Variants in RAB20 observed in about 807,000 individuals in gnomAD.
The protein encoded by RAB20 is ras-related protein Rab-20.
In RAB20, 2 loss-of-function variants were observed where a neutral mutation model predicts 3.7. The observed-to-expected ratio is 0.54, with a 90% CI of 0.22 to 1.69. The LOEUF (loss-of-function observed/expected upper bound fraction) is 1.69, where lower values mean the gene tolerates loss of function less well. RAB20 is among the 40% of genes most tolerant of loss of function. RAB20 has a pLI of 0.19. For missense variants in RAB20, 276 were observed against 311.9 expected, an observed-to-expected ratio of 0.88 and a Z score of 0.87; for synonymous variants, 126 against 130.8, an observed-to-expected ratio of 0.96 and a Z score of 0.25.
At chr13:110,526,168 A>C (rs1035377116) in intron 1 of RAB20, among the ~76,000 whole-genome samples, 6 of 140,416 alleles carry the variant, frequency 4.3e-5, no homozygotes, top group Non-Finnish European at 9.3e-5. Flanking sequence ...CCCTTAGGCC[A>C]AGAGGAGGGA....
intron 1 of RAB20, among the ~76,000 whole-genome samples, chr13:110,547,103 G>A (rs1011080739): frequency 6.6e-6 from 1 of 152,180 alleles, no homozygotes; most frequent in Non-Finnish European, 1.5e-5. Flanking sequence ...TCATATGTCA[G>A]AAGCCTGGAA....
chr13:110,550,998 A>G (rs1409313489), intron 1 of RAB20, among the ~76,000 whole-genome samples: 1 of 152,234 alleles, frequency 6.6e-6, no homozygotes, highest in Non-Finnish European at 1.5e-5. Flanking sequence ...TGATATTTCC[A>G]CACTAATTTT....
intron 1 of RAB20, among the ~76,000 whole-genome samples, chr13:110,543,757 T>C (rs1884805053): frequency 1.3e-5 from 2 of 150,670 alleles, no homozygotes; most frequent in Non-Finnish European, 2.9e-5. Context: ...GCTTGACTCT[T>C]TAATCAAATG....
chr13:110,548,275 T>G (rs1342697509), intron 1 of RAB20, among the ~76,000 whole-genome samples: 1 of 152,088 alleles, frequency 6.6e-6, no homozygotes, highest in African/African-American at 2.4e-5. Flanking sequence ...CTTGAGGTCA[T>G]GAGTTCGAGA....
chr13:110,556,805 T>A (rs1426629997), intron 1 of RAB20, among the ~76,000 whole-genome samples: 1 of 152,252 alleles, frequency 6.6e-6, no homozygotes. Flanking sequence ...ATGCTGGGAT[T>A]ACAGGCAGGA....
intron 1 of RAB20, among the ~76,000 whole-genome samples, chr13:110,532,199 G>A (rs77071560): frequency 0.015 from 2,348 of 152,170 alleles, 32 homozygotes; most frequent in Middle Eastern, 0.037. Context: ...CTTTAAAAGC[G>A]CCCCAGGTGA....
chr13:110,527,652 G>T (rs1396371842), intron 1 of RAB20, among the ~76,000 whole-genome samples: 1 of 152,158 alleles, frequency 6.6e-6, no homozygotes, highest in East Asian at 1.9e-4. Flanking sequence ...CCTACCAGGG[G>T]TCAGCTTCAG....
rs67409356 is a variant in RAB20 at position 110,538,597 on chromosome 13, C to CAA, written c.173-14402_173-14401dup. Among the ~76,000 whole-genome samples the CAA allele has an allele frequency of 9.3e-3, 654 of 70,458 alleles. 17 individuals carry two copies. The highest frequency in any genetic ancestry group is 0.031 in the Middle Eastern group (4 of 130). 46.2% of individuals were successfully genotyped at this position (70,458 alleles called of 152,430 possible). ...CTCCAGCCTGGGTGAGATCTTCTCTCAAAAAAAAAAAAAAAAAAAAAGAAA... is the reference window on the plus strand; with the variant it reads ...CTCCAGCCTGGGTGAGATCTTCTCTCAAAAAAAAAAAAAAAAAAAAAAAGAAA... On this transcript the variant is annotated intron_variant, in intron 1 of 1. Coordinates refer to ENST00000267328, the MANE Select transcript of RAB20 (RefSeq NM_017817.3).
At chr13:110,559,354 G>C (rs1165929320) in intron 1 of RAB20, among the ~76,000 whole-genome samples, 1 of 152,194 alleles carries the variant, frequency 6.6e-6, no homozygotes, top group African/African-American at 2.4e-5. Flanking sequence ...GGGGTGGAGA[G>C]AAAGTTTAGG....
chr13:110,526,896 T>C (rs80281712), intron 1 of RAB20, among the ~76,000 whole-genome samples: 2,129 of 152,262 alleles, frequency 0.014, 58 homozygotes, highest in African/African-American at 0.048. Flanking sequence ...TAAGGACAGC[T>C]GGTTACCTTT....
At chr13:110,554,841 A>G (rs1286651291) in intron 1 of RAB20, among the ~76,000 whole-genome samples, 1 of 152,100 alleles carries the variant, frequency 6.6e-6, no homozygotes, top group Non-Finnish European at 1.5e-5. Flanking sequence ...ACCCATCACG[A>G]GCCTTTCCTT....
intron 1 of RAB20, among the ~76,000 whole-genome samples, chr13:110,537,649 G>A (rs776391508): frequency 7.3e-5 from 11 of 151,702 alleles, no homozygotes; most frequent in Non-Finnish European, 1.3e-4. Flanking sequence ...AGGGCCAGGC[G>A]CTGACTTGGG....
rs114937355 is a variant in RAB20 at position 110,525,970 on chromosome 13, C to T, written c.173-1773G>A. Among the ~76,000 whole-genome samples the T allele has an allele frequency of 2.0e-3, 312 of 152,348 alleles. 3 individuals are homozygous for T. Among genetic ancestry groups the T allele is most frequent in the African/African-American group, 7.3e-3 (303 of 41,586 alleles). ...CAAGCAAACCCCAAGTGAGATCTTC[C>T]AACCACAAAGCACCTGCTCCCAACC... On this transcript the variant is annotated intron_variant, in intron 1 of 1. Coordinates refer to ENST00000267328, the MANE Select transcript of RAB20 (RefSeq NM_017817.3).
chr13:110,534,154 T>A (rs1317050613), intron 1 of RAB20, among the ~76,000 whole-genome samples: 2 of 152,222 alleles, frequency 1.3e-5, no homozygotes, highest in Non-Finnish European at 2.9e-5. Flanking sequence ...TGCTCTGTGA[T>A]GTGGTAGGCC....
chr13:110,556,785 G>A (rs1885045764), intron 1 of RAB20, among the ~76,000 whole-genome samples: 2 of 152,188 alleles, frequency 1.3e-5, no homozygotes, highest in African/African-American at 4.8e-5. Flanking sequence ...TTTCACTTCA[G>A]CCTCCTAAAA....
chr13:110,532,313 T>C (rs1473137482), intron 1 of RAB20, among the ~76,000 whole-genome samples: 1 of 152,218 alleles, frequency 6.6e-6, no homozygotes, highest in African/African-American at 2.4e-5. Context: ...GGTATTTCAA[T>C]TCATTGAAAA....
chr13:110,527,268 G>A (rs1157630297), intron 1 of RAB20, among the ~76,000 whole-genome samples: 1 of 150,872 alleles, frequency 6.6e-6, no homozygotes, highest in East Asian at 2.0e-4. Context: ...ACCCTGGAGA[G>A]AGGCGCCCAC....
chr13:110,549,625 G>A (rs1387571584), intron 1 of RAB20, among the ~76,000 whole-genome samples: 1 of 152,226 alleles, frequency 6.6e-6, no homozygotes, highest in East Asian at 1.9e-4. Context: ...CCATACCCTA[G>A]AGGAAGGAAT....
chr13:110,523,394 G>T lies in RAB20; in HGVS notation c.*271C>A. ...CTGCAAAGGACCAGTGCCAGGCAGC[G>T]GGGCAGAGAGCACCAGGGGTCTCGA... On this transcript the variant is annotated 3_prime_UTR_variant, in exon 2 of 2. Coordinates refer to ENST00000267328, the MANE Select transcript of RAB20 (RefSeq NM_017817.3). The T allele has an allele frequency of 1.6e-6, 1 of 627,324 alleles. No homozygotes were observed. Among genetic ancestry groups the T allele is most frequent in the Non-Finnish European group, 2.6e-6 (1 of 382,824 alleles). The allele number at this position is 627,324 out of a possible 1,614,324, so 38.9% of individuals were successfully genotyped here.
Sources: gnomAD v4.1 joint callset for allele counts (sites outside exome capture counted in the v4.1 genomes callset) on GRCh38, gnomAD v4.1.1 for gene constraint, MANE v1.5 for transcripts, NCBI Gene and HGNC (gene_info 2026-07-23, HGNC 2026-07-21) for gene names.